The following ARAP2 variants were observed in gnomAD, a reference collection of about 807,000 sequenced individuals.
The protein encoded by ARAP2 is ArfGAP with RhoGAP domain, ankyrin repeat and PH domain 2, also known as arf-GAP with Rho-GAP domain, ANK repeat and PH domain-containing protein 2.
ARAP2 carries 148 observed loss-of-function variants against 194.5 expected under a neutral mutation model. The ratio of observed to expected loss-of-function variants is 0.76; its 90% CI spans 0.67 to 0.87. ARAP2 has a LOEUF of 0.87. ARAP2 is among the 40% of genes least tolerant of loss of function. ARAP2 has a pLI of 0.00. For synonymous variants in ARAP2, 695 were observed against 683.5 expected, an observed-to-expected ratio of 1.02 and a Z score of -0.26; for missense variants, 2,128 against 1,989.7, an observed-to-expected ratio of 1.07 and a Z score of -1.32.
At chr4:36,094,344 G>A (rs1714604187) in intron 27 of ARAP2, among the ~76,000 whole-genome samples, 1 of 152,084 alleles carries the variant, frequency 6.6e-6, no homozygotes, top group Non-Finnish European at 1.5e-5. Context: ...CTGAGTAGTT[G>A]TTTCAGAGAC....
At chr4:36,161,879 C>G in intron 11 of ARAP2, among the ~76,000 whole-genome samples, 1 of 150,308 alleles carries the variant, frequency 6.7e-6, no homozygotes, top group African/African-American at 2.4e-5. Flanking sequence ...AAGGCCGAGG[C>G]GGGCGGATCA....
At chr4:36,042,824 T>C (rs1286869896) in intron 5 of ARAP2, among the ~76,000 whole-genome samples, 1 of 146,156 alleles carries the variant, frequency 6.8e-6, no homozygotes, top group Admixed American at 7.1e-5. Context: ...ATAAATCCAA[T>C]AAACAAATGC....
intron 28 of ARAP2, among the ~76,000 whole-genome samples, chr4:36,087,898 T>C (rs1001169640): frequency 2.6e-5 from 4 of 152,132 alleles, no homozygotes; most frequent in African/African-American, 4.8e-5. Context: ...ACTGTGTATG[T>C]GATTTTGGAC....
intron 6 of ARAP2, among the ~76,000 whole-genome samples, chr4:36,017,580 A>AAAAAAAAAAC (rs1716081796): frequency 6.7e-6 from 1 of 149,554 alleles, no homozygotes; most frequent in Non-Finnish European, 1.5e-5. Flanking sequence ...AAAAAAAAAA[A>AAAAAAAAAAC]AAAAAAAGCT....
intron 8 of ARAP2, among the ~76,000 whole-genome samples, chr4:36,014,245 G>GAAAGAAAGAAAGAAAGAAAGAAAGAAAGA (rs1715151641): frequency 8.4e-6 from 1 of 119,740 alleles, no homozygotes; most frequent in African/African-American, 3.2e-5. Flanking sequence ...AAGAAAGAAA[G>GAAAGAAAGAAAGAAAGAAAGAAAGAAAGA]AAAGAAAGAA....
At chr4:36,083,060 T>C (rs1729954215) in intron 29 of ARAP2, among the ~76,000 whole-genome samples, 1 of 152,072 alleles carries the variant, frequency 6.6e-6, no homozygotes, top group Admixed American at 6.6e-5. Flanking sequence ...GCTCAGGGAA[T>C]GAGATGCAGA....
At position 36,198,037 on chromosome 4, in the gene ARAP2, C is replaced by G. The variant is rs111555106; in HGVS notation, c.1488-4390G>C. ...TACAGCTCTTTCAGCCCCGACATCT[C>G]CCAGGTCCCAAGTTCTTGTGCTGTG... On this transcript the variant is annotated intron_variant, in intron 6 of 32. Coordinates refer to ENST00000303965, the MANE Select transcript of ARAP2 (RefSeq NM_015230.4). 3.2e-4 allele frequency among the ~76,000 whole-genome samples: 48 copies of G among 152,278 alleles called. 1 individual carries two copies. Among genetic ancestry groups the G allele is most frequent in the African/African-American group, 1.1e-3 (46 of 41,554 alleles).
intron 7 of ARAP2, among the ~76,000 whole-genome samples, 186 bp downstream of exon 7, chr4:36,193,392 C>T (rs1259845758): frequency 6.6e-6 from 1 of 152,146 alleles, no homozygotes; most frequent in African/African-American, 2.4e-5. Flanking sequence ...AGAGAAAGTA[C>T]ATACTTAAGA....
chr4:36,149,691 TA>T (rs1416032859), intron 16 of ARAP2, among the ~76,000 whole-genome samples: 2 of 152,170 alleles, frequency 1.3e-5, no homozygotes, highest in African/African-American at 2.4e-5. Context: ...TAACATTCCA[TA>T]AGTCATATTA....
rs573788622 is a variant in ARAP2 at position 36,159,621 on chromosome 4, T to G, written c.2443-116A>C. 3 of 907,390 alleles carry G rather than the reference T, an allele frequency of 3.3e-6. No individual in the cohort carries two copies. In the African/African-American group the frequency reaches 5.2e-5, roughly 16 times the overall value. 56.2% of individuals were successfully genotyped at this position (907,390 alleles called of 1,614,324 possible). Reference sequence around the variant, plus strand: ...GATAAAGTCTGTATTCCTTTTATCCTAAGGCGGCTAATAATAATTATGCCA... The same window carrying G: ...GATAAAGTCTGTATTCCTTTTATCCGAAGGCGGCTAATAATAATTATGCCA... On this transcript the variant is annotated intron_variant, in intron 13 of 32. Coordinates refer to ENST00000303965, the MANE Select transcript of ARAP2 (RefSeq NM_015230.4).
rs534601685 is a variant in ARAP2 at position 36,067,585 on chromosome 4, G to C, written c.*322C>G. On this transcript the variant is annotated 3_prime_UTR_variant, in exon 33 of 33. Transcript: ENST00000303965. ...ACAGCATTTTATACAATACAGTACA[G>C]TTTGAGATTTCTGCTCATAAATTAT... is the stretch of plus-strand genomic sequence containing the variant. 1 of 205,216 alleles carries C rather than the reference G, an allele frequency of 4.9e-6. No individual in the cohort carries two copies. The highest frequency in any genetic ancestry group is 2.3e-5 in the African/African-American group (1 of 43,220). The allele number at this position is 205,216 out of a possible 1,614,324, so 12.7% of individuals were successfully genotyped here.
chr4:36,097,004 C>T (rs997147139), intron 27 of ARAP2, among the ~76,000 whole-genome samples: 2 of 152,062 alleles, frequency 1.3e-5, no homozygotes, highest in African/African-American at 2.4e-5. Flanking sequence ...TCCATTCACA[C>T]CTTCTGACAG....
At chr4:36,147,809 A>T in intron 17 of ARAP2, 63 bp from the exon 18 acceptor site, 2 of 1,297,754 alleles carry the variant, frequency 1.5e-6, no homozygotes, top group Non-Finnish European at 2.1e-6. Context: ...TTCCCTATCT[A>T]CTGATATGAG....
At chr4:36,059,038 G>T (rs547233422) in intron 1 of ARAP2, among the ~76,000 whole-genome samples, 1 of 151,934 alleles carries the variant, frequency 6.6e-6, no homozygotes, top group Non-Finnish European at 1.5e-5. Flanking sequence ...AAGTTCTAAG[G>T]CCTTTTCATG....
intron 2 of ARAP2, among the ~76,000 whole-genome samples, chr4:36,226,843 T>C (rs1437420460): frequency 6.6e-6 from 1 of 152,162 alleles, no homozygotes; most frequent in Non-Finnish European, 1.5e-5. Flanking sequence ...CAAATGATCC[T>C]TTACAGCTCC....
chr4:36,108,142 C>T (rs915646352), intron 26 of ARAP2, among the ~76,000 whole-genome samples: 14 of 151,904 alleles, frequency 9.2e-5, no homozygotes, highest in African/African-American at 3.4e-4. Flanking sequence ...AGGCTACCCT[C>T]CCACCACTGC....
chr4:36,016,083 A>C (rs949024565), intron 6 of ARAP2: 1 of 152,226 alleles, frequency 6.6e-6, no homozygotes, highest in African/African-American at 2.4e-5. Context: ...ATTAGAGTAC[A>C]TGCATAAGCC....
rs555078997 is a variant in ARAP2, at chr4:36,081,112, A to G, written c.4545-833T>C. ...CTAAAAAATCTGTGTTTTCTTCATC[A>G]GCACCTCATGAAAACATTGTCTTTC... On this transcript the variant is annotated intron_variant, in intron 30 of 32. Transcript: ENST00000303965. 3.9e-5 allele frequency among the ~76,000 whole-genome samples: 6 copies of G among 152,278 alleles called. No individual in the cohort carries two copies. The South Asian group carries it at 1.2e-3, about 32-fold the overall frequency.
intron 1 of ARAP2, among the ~76,000 whole-genome samples, chr4:36,240,826 TA>T (rs1242132747): frequency 6.6e-6 from 1 of 152,028 alleles, no homozygotes; most frequent in Non-Finnish European, 1.5e-5. Flanking sequence ...AAAAACACAA[TA>T]AAAAAACCTA....
Sources: allele counts gnomAD v4.1 joint callset (sites outside exome capture counted in the v4.1 genomes callset), GRCh38; gene constraint gnomAD v4.1.1; transcripts MANE v1.5; gene names NCBI Gene and HGNC (gene_info 2026-07-23, HGNC 2026-07-21).